CEP170: variants seen among roughly 807,000 people sequenced by gnomAD.
CEP170 encodes the protein centrosomal protein of 170 kDa.
A neutral mutation model predicts 151.9 loss-of-function variants in CEP170; 21 were observed. That is an observed-to-expected ratio of 0.14 (90% CI 0.10 to 0.20). The LOEUF is 0.20. Ranked by LOEUF, CEP170 falls within the 10% of genes least tolerant of loss-of-function variation. CEP170 has a pLI of 1.00. For synonymous variants in CEP170, 356 were observed against 648.8 expected (o/e 0.55, Z 6.86); for missense variants, 964 against 1,892.9 (o/e 0.51, Z 9.11).
intron 4 of CEP170, among the ~76,000 whole-genome samples, chr1:243,209,037 G>A (rs2789234): frequency 5.9e-5 from 9 of 151,950 alleles, no homozygotes; most frequent in African/African-American, 1.9e-4. Context: ...ATGAGTTTAC[G>A]GTCATTTTAA....
At chr1:243,152,521 ATTTTTTTTTTTTTTTT>A (rs371392454) in intron 14 of CEP170, among the ~76,000 whole-genome samples, 2 of 54,934 alleles carry the variant, frequency 3.6e-5, no homozygotes, top group Non-Finnish European at 3.1e-5. Flanking sequence ...GCGCCCAGCC[ATTTTTTTTTTTTTTTT>A]TTTTTTTTTT....
chr1:243,191,901 C>T (rs892756483), intron 7 of CEP170, among the ~76,000 whole-genome samples: 4 of 152,070 alleles, frequency 2.6e-5, no homozygotes, highest in African/African-American at 4.8e-5. Context: ...CTTCTCAAGT[C>T]GCCAAGATGA....
chr1:243,170,944 A>G (rs1287697299), intron 11 of CEP170, among the ~76,000 whole-genome samples: 1 of 152,242 alleles, frequency 6.6e-6, no homozygotes, highest in East Asian at 1.9e-4. Flanking sequence ...AGCCATGTGG[A>G]CCATGCTAAG....
rs2054213699 is a variant in CEP170, at chr1:243,130,052, G to C, written c.4320-599C>G. ...ATTAGGTTTTAGAATTATCTGTGGTGTCAGGCATCCAGTGGGTATCTTGGA... is the reference window on the plus strand; with the variant it reads ...ATTAGGTTTTAGAATTATCTGTGGTCTCAGGCATCCAGTGGGTATCTTGGA... On this transcript the variant is annotated intron_variant, in intron 17 of 19. Transcript: ENST00000366542. Among the ~76,000 whole-genome samples, 8 of 152,286 alleles carry C rather than the reference G, an allele frequency of 5.3e-5. No homozygotes were observed. The South Asian group carries it at 1.7e-3, about 32-fold the overall frequency.
intron 13 of CEP170, among the ~76,000 whole-genome samples, chr1:243,159,586 A>G (rs1205385748): frequency 6.6e-6 from 1 of 152,160 alleles, no homozygotes; most frequent in African/African-American, 2.4e-5. Flanking sequence ...ATAAAATTTT[A>G]GAAGAATGGC....
chr1:243,183,216 TTA>T (rs2059743808), intron 10 of CEP170, among the ~76,000 whole-genome samples: 1 of 152,130 alleles, frequency 6.6e-6, no homozygotes, highest in African/African-American at 2.4e-5. Context: ...TAATGTTGAA[TTA>T]AAGTTGCTAA....
rs1313642207 is a variant in CEP170 at position 243,146,033 on chromosome 1, A to G, written c.3912-3570T>C. ...CTGGAAAAAGAAAATATAAGGAAAA[A>G]AAAGTCTAACGTCAATTATTCTAAG... is the stretch of plus-strand genomic sequence containing the variant. On this transcript the variant is annotated intron_variant, in intron 14 of 19. Coordinates refer to ENST00000366542, the MANE Select transcript of CEP170 (RefSeq NM_014812.3). 7.2e-5 allele frequency among the ~76,000 whole-genome samples: 11 copies of G among 152,238 alleles called. No individual in the cohort carries two copies. In the South Asian group the frequency reaches 1.7e-3, roughly 23 times the overall value.
In CEP170 at chr1:243,205,350, G is replaced by A. The variant is rs559516437; in HGVS notation, c.275-4515C>T. ...GAGTCACTGGGTAGAGCACAAGTCA[G>A]CAAACTTTTTCTGTAAAGGGCCAGA... On this transcript the variant is annotated intron_variant, in intron 4 of 19. Coordinates refer to ENST00000366542, the MANE Select transcript of CEP170 (RefSeq NM_014812.3). 5.9e-5 allele frequency among the ~76,000 whole-genome samples: 9 copies of A among 152,322 alleles called. 1 individual carries two copies. In the South Asian group the frequency reaches 1.9e-3, roughly 32 times the overall value.
At chr1:243,190,845 G>A (rs539609827) in intron 8 of CEP170, among the ~76,000 whole-genome samples, 173 bp downstream of exon 8, 1 of 152,262 alleles carries the variant, frequency 6.6e-6, no homozygotes, top group African/African-American at 2.4e-5. Flanking sequence ...TATTTTGAAT[G>A]AGGAAATTGG....
intron 11 of CEP170, among the ~76,000 whole-genome samples, chr1:243,171,196 C>G (rs1329599912): frequency 6.6e-6 from 1 of 152,206 alleles, no homozygotes; most frequent in African/African-American, 2.4e-5. Flanking sequence ...AAATAATTAT[C>G]ACCTGCTTTC....
chr1:243,168,824 C>A (rs1471173194), intron 12 of CEP170, among the ~76,000 whole-genome samples: 1 of 151,724 alleles, frequency 6.6e-6, no homozygotes, highest in Non-Finnish European at 1.5e-5. Flanking sequence ...CTTTATATTT[C>A]TGTTCACAGA....
At chr1:243,191,688 A>G (rs1203165691) in intron 7 of CEP170, among the ~76,000 whole-genome samples, 194 bp from the exon 8 acceptor site, 1 of 152,128 alleles carries the variant, frequency 6.6e-6, no homozygotes, top group Non-Finnish European at 1.5e-5. Context: ...ATGCGATTTG[A>G]TTACCAATAG....
chr1:243,248,103 G>C (rs12145759), intron 1 of CEP170, among the ~76,000 whole-genome samples: 62,240 of 152,144 alleles, frequency 0.41, 14,770 homozygotes, highest in East Asian at 0.66. Flanking sequence ...TTTAGTAGTT[G>C]CCAGGGGAGA....
chr1:243,216,803 C>A (rs2062343751), intron 3 of CEP170, among the ~76,000 whole-genome samples: 1 of 152,076 alleles, frequency 6.6e-6, no homozygotes, highest in South Asian at 2.1e-4. Context: ...AATTGTAATA[C>A]AAAGAAAATT....
chr1:243,152,753 T>G (rs1043304584), intron 14 of CEP170, among the ~76,000 whole-genome samples: 5 of 147,650 alleles, frequency 3.4e-5, no homozygotes, highest in African/African-American at 1.2e-4. Context: ...GGATGGTCTC[T>G]ATCTCCTGAC....
chr1:243,222,652 G>A (rs1355680156), intron 2 of CEP170, among the ~76,000 whole-genome samples: 1 of 152,180 alleles, frequency 6.6e-6, no homozygotes, highest in Non-Finnish European at 1.5e-5. Context: ...CAAAAATGGG[G>A]AACAGACATG....
At chr1:243,237,940 T>C (rs2064406307) in intron 1 of CEP170, among the ~76,000 whole-genome samples, 1 of 150,196 alleles carries the variant, frequency 6.7e-6, no homozygotes, top group South Asian at 2.1e-4. Context: ...TCATACAAAG[T>C]AGTAAATTAT....
In CEP170 at chr1:243,221,101, A is replaced by T. The variant is rs546433735; in HGVS notation, c.195+623T>A. Among the ~76,000 whole-genome samples the T allele has an allele frequency of 2.2e-3, 336 of 151,976 alleles. 1 individual carries two copies. The highest frequency in any genetic ancestry group is 4.1e-3 in the Non-Finnish European group (280 of 67,952). ...GTGCAGTGGCGCTGTCTCGGCTCAC[A>T]ACAAGCTCCGCCTCCCGGGTTCACG... On this transcript the variant is annotated intron_variant, in intron 3 of 19. Transcript: ENST00000366542.
At chr1:243,149,197 GC>G (rs1191671325) in intron 14 of CEP170, among the ~76,000 whole-genome samples, 1 of 152,190 alleles carries the variant, frequency 6.6e-6, no homozygotes, top group Non-Finnish European at 1.5e-5. Flanking sequence ...TGATGAATAT[GC>G]TTCAGATAAG....
Sources: gnomAD v4.1 joint callset for allele counts (sites outside exome capture counted in the v4.1 genomes callset) on GRCh38, gnomAD v4.1.1 for gene constraint, MANE v1.5 for transcripts, NCBI Gene and HGNC (gene_info 2026-07-23, HGNC 2026-07-21) for gene names.